The following RBFOX1 variants were observed in gnomAD, a reference collection of about 807,000 sequenced individuals.
The protein encoded by RBFOX1 is RNA binding protein fox-1 homolog 1.
In RBFOX1, 8 loss-of-function variants were observed where a neutral mutation model predicts 57.7. The ratio of observed to expected loss-of-function variants is 0.14; its 90% CI spans 0.08 to 0.25. The LOEUF (loss-of-function observed/expected upper bound fraction) is 0.25, where lower values mean the gene tolerates loss of function less well. Among genes scored for constraint, RBFOX1 ranks in the 10% least tolerant of loss-of-function variants. RBFOX1 has a pLI of 1.00. For missense variants in RBFOX1, 611 were observed against 548.5 expected (o/e 1.11, Z -1.14); for synonymous variants, 326 against 222.4 (o/e 1.47, Z -4.15).
chr16:6,166,446 C>T (rs74006912), intron 1 of RBFOX1, among the ~76,000 whole-genome samples: 5,387 of 152,094 alleles, frequency 0.035, 339 homozygotes, highest in African/African-American at 0.12. Context: ...AGGTGTCTCT[C>T]TCTTTCTCTC....
At chr16:7,522,603 C>T (rs559619537) in intron 5 of RBFOX1, among the ~76,000 whole-genome samples, 4 of 152,234 alleles carry the variant, frequency 2.6e-5, no homozygotes, top group South Asian at 2.1e-4. Context: ...GAAGAGATTG[C>T]ATCTGAGAAG....
chr16:7,464,542 G>A (rs780806575), intron 4 of RBFOX1, among the ~76,000 whole-genome samples: 13 of 151,908 alleles, frequency 8.6e-5, no homozygotes, highest in Non-Finnish European at 1.9e-4. Flanking sequence ...CCCCTTTCAG[G>A]GACATCTACA....
intron 3 of RBFOX1, among the ~76,000 whole-genome samples, chr16:6,709,630 G>C (rs17141025): frequency 0.012 from 1,871 of 152,092 alleles, 39 homozygotes; most frequent in African/African-American, 0.042. Context: ...CTCCTGATTC[G>C]ATCTATGCTT....
chr16:7,042,048 G>C (rs966624322), intron 3 of RBFOX1, among the ~76,000 whole-genome samples: 1 of 152,100 alleles, frequency 6.6e-6, no homozygotes, highest in Non-Finnish European at 1.5e-5. Flanking sequence ...GGAGAAAACT[G>C]GATCTACAGA....
intron 1 of RBFOX1, among the ~76,000 whole-genome samples, chr16:6,099,319 TA>T (rs1370455331): frequency 6.6e-6 from 1 of 152,190 alleles, no homozygotes; most frequent in Non-Finnish European, 1.5e-5. Context: ...ATGACGTCAG[TA>T]AAGGGTCTAT....
intron 2 of RBFOX1, among the ~76,000 whole-genome samples, chr16:6,575,493 CTAAA>C (rs1264633517): frequency 1.3e-5 from 2 of 152,096 alleles, no homozygotes; most frequent in African/African-American, 4.8e-5. Flanking sequence ...CACTGATCTT[CTAAA>C]TAAAGACCCA....
chr16:6,806,761 T>C (rs1156556567), intron 3 of RBFOX1, among the ~76,000 whole-genome samples: 1 of 135,090 alleles, frequency 7.4e-6, no homozygotes, highest in Non-Finnish European at 1.7e-5. Context: ...TTTTTCTATT[T>C]TTTCTTTGTT....
intron 2 of RBFOX1, among the ~76,000 whole-genome samples, chr16:5,483,619 C>T (rs557042275): frequency 5.3e-5 from 8 of 152,250 alleles, no homozygotes; most frequent in Admixed American, 2.6e-4. Flanking sequence ...CTGGATATGC[C>T]AATTTGTCTT....
At chr16:7,088,314 T>A (rs1295289981) in intron 4 of RBFOX1, among the ~76,000 whole-genome samples, 2 of 152,130 alleles carry the variant, frequency 1.3e-5, no homozygotes, top group Non-Finnish European at 2.9e-5. Flanking sequence ...GTGATGGCTT[T>A]GTTTATTTGT....
chr16:6,155,653 C>G (rs1190941463), intron 1 of RBFOX1, among the ~76,000 whole-genome samples: 2 of 152,180 alleles, frequency 1.3e-5, no homozygotes, highest in African/African-American at 2.4e-5. Context: ...GGCCGACTTT[C>G]TATCCCACCA....
At chr16:5,831,578 C>G (rs918423144) in intron 3 of RBFOX1, among the ~76,000 whole-genome samples, 1 of 151,708 alleles carries the variant, frequency 6.6e-6, no homozygotes, top group African/African-American at 2.4e-5. Flanking sequence ...CAACCTCCAC[C>G]TACTGGTTTC....
intron 2 of RBFOX1, among the ~76,000 whole-genome samples, chr16:6,474,727 T>C (rs2095246154): frequency 6.6e-6 from 1 of 152,208 alleles, no homozygotes; most frequent in Non-Finnish European, 1.5e-5. Context: ...ATGAGTTCCC[T>C]TTCATACTGC....
intron 4 of RBFOX1, among the ~76,000 whole-genome samples, chr16:7,058,690 G>A (rs748713091): frequency 1.3e-5 from 2 of 151,598 alleles, no homozygotes; most frequent in South Asian, 2.1e-4. Flanking sequence ...AATAAAAAAG[G>A]TTCTTAATTA....
chr16:6,383,662 C>T (rs1013118002), intron 2 of RBFOX1, among the ~76,000 whole-genome samples: 3 of 151,842 alleles, frequency 2.0e-5, no homozygotes, highest in Non-Finnish European at 2.9e-5. Context: ...CCTACCTACT[C>T]GGGAGGCTGA....
intron 10 of RBFOX1, among the ~76,000 whole-genome samples, chr16:7,620,420 T>C (rs1484798427): frequency 6.6e-6 from 1 of 152,208 alleles, no homozygotes; most frequent in Non-Finnish European, 1.5e-5. Context: ...TCAGTGACAC[T>C]ATAGAAATCT....
At chr16:6,642,101 G>T (rs1207399336) in intron 2 of RBFOX1, among the ~76,000 whole-genome samples, 2 of 152,082 alleles carry the variant, frequency 1.3e-5, no homozygotes, top group African/African-American at 2.4e-5. Flanking sequence ...TAGGTGCTGG[G>T]GTCTGAGAGA....
chr16:7,334,077 C>G (rs140761614), intron 4 of RBFOX1, among the ~76,000 whole-genome samples: 1 of 152,144 alleles, frequency 6.6e-6, no homozygotes, highest in Non-Finnish European at 1.5e-5. Flanking sequence ...GATACCCTAG[C>G]TCATTAATTA....
At chr16:6,490,242 T>C (rs2095601327) in intron 2 of RBFOX1, among the ~76,000 whole-genome samples, 1 of 152,200 alleles carries the variant, frequency 6.6e-6, no homozygotes, top group Admixed American at 6.5e-5. Flanking sequence ...TATTCTGCTT[T>C]AGAAGGGAAA....
At position 6,695,096 on chromosome 16, in the gene RBFOX1, T is replaced by C. The variant is rs1304941922; in HGVS notation, c.-16+40446T>C. Among the ~76,000 whole-genome samples, 5 of 152,028 alleles carry C rather than the reference T, an allele frequency of 3.3e-5. No homozygotes were observed. In the East Asian group the frequency reaches 9.7e-4, roughly 29 times the overall value. ...TGAATGCTATTTCAGAAAGCCCTTGTCCCAGTGAATATTACTGTGTGTAAA... is the reference window on the plus strand; with the variant it reads ...TGAATGCTATTTCAGAAAGCCCTTGCCCCAGTGAATATTACTGTGTGTAAA... On this transcript the variant is annotated intron_variant, in intron 3 of 15. Coordinates refer to ENST00000550418, the MANE Select transcript of RBFOX1 (RefSeq NM_018723.4).
Sources: allele counts gnomAD v4.1 joint callset (sites outside exome capture counted in the v4.1 genomes callset), GRCh38; gene constraint gnomAD v4.1.1; transcripts MANE v1.5; gene names NCBI Gene and HGNC (gene_info 2026-07-23, HGNC 2026-07-21).